BICDL1: variants seen among roughly 807,000 people sequenced by gnomAD.
The protein encoded by BICDL1 is BICD family like cargo adaptor 1.
In BICDL1, 20 loss-of-function variants were observed where a neutral mutation model predicts 76.8. The ratio of observed to expected loss-of-function variants is 0.26; its 90% CI spans 0.18 to 0.38. The LOEUF (loss-of-function observed/expected upper bound fraction) is 0.38, where lower values mean the gene tolerates loss of function less well. BICDL1 is among the 10% of genes least tolerant of loss of function. The probability of loss-of-function intolerance (pLI) is 1.00; values close to 1 mark genes in which losing one functional copy is unlikely to be tolerated. For missense variants in BICDL1, 700 were observed against 798.6 expected, an observed-to-expected ratio of 0.88 and a Z score of 1.49; for synonymous variants, 383 against 337.1, an observed-to-expected ratio of 1.14 and a Z score of -1.49.
At chr12:120,083,543 C>T (rs532197526) in intron 8 of BICDL1, among the ~76,000 whole-genome samples, 1 of 152,222 alleles carries the variant, frequency 6.6e-6, no homozygotes, top group African/African-American at 2.4e-5. Flanking sequence ...AGCCACGGTG[C>T]CCAGCCCCAC....
intron 2 of BICDL1, among the ~76,000 whole-genome samples, chr12:120,058,534 A>G (rs898777065): frequency 6.6e-6 from 1 of 152,104 alleles, no homozygotes; most frequent in African/African-American, 2.4e-5. Flanking sequence ...TATGCACTCA[A>G]ACTGCAGCAT....
At chr12:120,057,100 T>G in intron 2 of BICDL1, 1 of 522,650 alleles carries the variant, frequency 1.9e-6, no homozygotes, top group Non-Finnish European at 3.8e-6. Flanking sequence ...AATTTGATGC[T>G]GTGGTTGTAT....
rs750654231 is a variant in BICDL1, at chr12:120,089,290, ATG to A, written c.1584-648_1584-647del. On this transcript the variant is annotated intron_variant, in intron 8 of 9. Coordinates refer to ENST00000548673, the MANE Select transcript of BICDL1 (RefSeq NM_001367886.1). ...TTTCAACGTGTGTGTGTGTGTGTGT[ATG>A]TGTGTGTGTGTGGGGTGTGACGGAG... 4.7e-5 allele frequency among the ~76,000 whole-genome samples: 6 copies of A among 126,458 alleles called. No individual in the cohort carries two copies. The East Asian group carries it at 1.5e-3, about 31-fold the overall frequency. The allele number at this position is 126,458 out of a possible 152,430, so 83.0% of individuals were successfully genotyped here.
At chr12:120,068,999 C>T (rs1243075715) in intron 4 of BICDL1, among the ~76,000 whole-genome samples, 2 of 152,132 alleles carry the variant, frequency 1.3e-5, no homozygotes, top group African/African-American at 4.8e-5. Flanking sequence ...GACCCCTGCG[C>T]TGCTGTCTCC....
intron 2 of BICDL1, among the ~76,000 whole-genome samples, chr12:120,005,231 T>C (rs1951829219): frequency 6.6e-6 from 1 of 152,192 alleles, no homozygotes; most frequent in South Asian, 2.1e-4. Flanking sequence ...TCAGTACAAA[T>C]GTTCAGTGAA....
At chr12:120,045,659 T>C (rs1282579659) in intron 2 of BICDL1, among the ~76,000 whole-genome samples, 1 of 150,682 alleles carries the variant, frequency 6.6e-6, no homozygotes, top group Non-Finnish European at 1.5e-5. Flanking sequence ...CTCAGTAAAC[T>C]ATCGCAAGAA....
At chr12:120,074,057 G>A (rs549211723) in intron 6 of BICDL1, among the ~76,000 whole-genome samples, 1 of 152,198 alleles carries the variant, frequency 6.6e-6, no homozygotes, top group Non-Finnish European at 1.5e-5. Flanking sequence ...GGGACTACAG[G>A]TGCCCACCAC....
intron 2 of BICDL1, among the ~76,000 whole-genome samples, chr12:120,041,141 G>A (rs1952634291): frequency 1.3e-5 from 2 of 152,178 alleles, no homozygotes; most frequent in African/African-American, 2.4e-5. Flanking sequence ...TTTGTATAAA[G>A]TGGATATAAC....
Position 119,989,995 on chromosome 12 carries a change from C to G in BICDL1, c.127C>G (p.Leu43Val). 6.8e-7 allele frequency: 1 copy of G among 1,480,090 alleles called. No homozygotes were observed. The highest frequency in any genetic ancestry group is 8.9e-7 in the Non-Finnish European group (1 of 1,128,480). 91.7% of individuals were successfully genotyped at this position (1,480,090 alleles called of 1,614,324 possible). A position where few individuals can be genotyped will look rare whatever the true frequency, so the allele number is the denominator to read the frequency against. The change falls in exon 1 of 10, where the codon CTC becomes GTC. Residue 43 changes from leucine to valine, a missense_variant. This residue lies in a region of BICDL1 where 225 missense variants were observed against 199.6 expected (regional missense o/e 1.13). Coordinates refer to ENST00000548673, the MANE Select transcript of BICDL1 (RefSeq NM_001367886.1). ...CCGGAGTCCCGCCGCCGCCGCCGCC[C>G]TCATCTTCCCCGGGGGCTCCGGGGA... ...AVRSPAAAAA[L>V]IFPGGSGELE... is the part of the protein sequence containing the mutation.
intron 1 of BICDL1, among the ~76,000 whole-genome samples, chr12:119,997,391 C>T (rs1951672525): frequency 6.6e-6 from 1 of 152,186 alleles, no homozygotes; most frequent in East Asian, 1.9e-4. Flanking sequence ...AAACTCCATA[C>T]AGGCAAGGAC....
At chr12:119,998,871 A>G in intron 2 of BICDL1, 135 bp downstream of exon 2, 1 of 764,744 alleles carries the variant, frequency 1.3e-6, no homozygotes, top group Non-Finnish European at 2.1e-6. Flanking sequence ...TCTGGGCAAC[A>G]CAGGGAGACC....
chr12:120,090,981 T>C, intron 9 of BICDL1: 1 of 1,288,918 alleles, frequency 7.8e-7, no homozygotes, highest in Non-Finnish European at 1.0e-6. Context: ...TCAGTTCCCG[T>C]ATCAACAGCT....
intron 2 of BICDL1, among the ~76,000 whole-genome samples, chr12:120,049,128 G>A (rs1366863867): frequency 1.3e-5 from 2 of 152,180 alleles, no homozygotes; most frequent in Non-Finnish European, 2.9e-5. Context: ...GTTTGTGCCT[G>A]GGGTGCTCTG....
Position 120,071,518 on chromosome 12 carries a change from T to C in BICDL1, c.910-104T>C, listed in dbSNP as rs1873103277. The C allele has an allele frequency of 7.2e-7, 1 of 1,391,992 alleles. No individual in the cohort carries two copies. Among genetic ancestry groups the C allele is most frequent in the Non-Finnish European group, 9.5e-7 (1 of 1,053,688 alleles). 86.2% of individuals were successfully genotyped at this position (1,391,992 alleles called of 1,614,324 possible). ...CATGTTCTTCTCTCCTATTTATTTT[T>C]CTATAAATTGGTGGTTGGATCCAGA... On this transcript the variant is annotated intron_variant, in intron 4 of 9. Coordinates refer to ENST00000548673, the MANE Select transcript of BICDL1 (RefSeq NM_001367886.1). The surrounding 1 kb of genome is among the most constrained non-coding windows in gnomAD (Gnocchi z 4.8).
chr12:120,013,439 A>AGTGTGT (rs35499277), intron 2 of BICDL1, among the ~76,000 whole-genome samples: 5,426 of 134,834 alleles, frequency 0.04, 135 homozygotes, highest in East Asian at 0.066. Flanking sequence ...CTTTAACCAG[A>AGTGTGT]GTGTGTGTGT....
chr12:120,012,365 T>C (rs1951972100), intron 2 of BICDL1, among the ~76,000 whole-genome samples: 1 of 152,256 alleles, frequency 6.6e-6, no homozygotes, highest in South Asian at 2.1e-4. Context: ...TCTCCACGAA[T>C]AAGTCAGATT....
chr12:120,091,270 A>T (rs1874940869), intron 9 of BICDL1: 1 of 1,113,784 alleles, frequency 9.0e-7, no homozygotes, highest in African/African-American at 1.6e-5. Context: ...CCACTGAGGG[A>T]CCAGCAGGCC....
chr12:120,028,822 G>A (rs914570812), intron 2 of BICDL1, among the ~76,000 whole-genome samples: 4 of 152,154 alleles, frequency 2.6e-5, no homozygotes, highest in Non-Finnish European at 4.4e-5. Context: ...TTCAAGTCTA[G>A]CCTGGACAAC....
chr12:120,059,491 G>A (rs1177852740), intron 2 of BICDL1, among the ~76,000 whole-genome samples: 1 of 151,978 alleles, frequency 6.6e-6, no homozygotes, highest in Non-Finnish European at 1.5e-5. Flanking sequence ...GGCCAAGCTG[G>A]TCTTGAACTC....
Sources: allele counts gnomAD v4.1 joint callset (sites outside exome capture counted in the v4.1 genomes callset), GRCh38; gene constraint gnomAD v4.1.1; regional missense constraint gnomAD v4.1.1; non-coding constraint Gnocchi (gnomAD v3.1); transcripts MANE v1.5; gene names NCBI Gene and HGNC (gene_info 2026-07-23, HGNC 2026-07-21).